SLC2A9: variants seen among roughly 807,000 people sequenced by gnomAD.
SLC2A9 encodes the protein solute carrier family 2, facilitated glucose transporter member 9.
Under a neutral mutation model 50.6 loss-of-function variants are expected in SLC2A9, and 39 were observed. The observed-to-expected ratio is 0.77, with a 90% CI of 0.60 to 1.01. The LOEUF (loss-of-function observed/expected upper bound fraction) is 1.01. Ranked by LOEUF, SLC2A9 falls within the 50% of genes least tolerant of loss-of-function variation. SLC2A9 has a pLI of 0.00. For synonymous variants in SLC2A9, 324 were observed against 276.9 expected (o/e 1.17, Z -1.69); for missense variants, 686 against 677.6 (o/e 1.01, Z -0.14).
chr4:9,930,238 T>C (rs533921717), intron 6 of SLC2A9, among the ~76,000 whole-genome samples: 33 of 152,294 alleles, frequency 2.2e-4, no homozygotes, highest in African/African-American at 7.9e-4. Flanking sequence ...CAACCTTCCC[T>C]TCACCATCAC....
chr4:9,959,161 T>A (rs556640913), intron 5 of SLC2A9, among the ~76,000 whole-genome samples: 1 of 150,552 alleles, frequency 6.6e-6, no homozygotes, highest in East Asian at 2.0e-4. Context: ...GCCTGGCCAA[T>A]GTGGTTCGAG....
chr4:9,826,330 A>ACTAC lies in SLC2A9; in HGVS notation c.*66_*67insGTAG. 3 of 1,533,384 alleles carry ACTAC rather than the reference A, an allele frequency of 2.0e-6. No individual in the cohort carries two copies. In the South Asian group the frequency reaches 3.4e-5, roughly 17 times the overall value. The allele number at this position is 1,533,384 out of a possible 1,614,324, so 95.0% of individuals were successfully genotyped here. A position where few individuals can be genotyped will look rare whatever the true frequency, so the allele number is the denominator to read the frequency against. On this transcript the variant is annotated 3_prime_UTR_variant, in exon 12 of 12. Coordinates refer to ENST00000264784, the MANE Select transcript of SLC2A9 (RefSeq NM_020041.3). ...ATGGGTAAATTTTAAGTTTCCTGAAAAGTGAGATCATCCATGTAGACAATC... is the reference window on the plus strand; with the variant it reads ...ATGGGTAAATTTTAAGTTTCCTGAAACTACAGTGAGATCATCCATGTAGACAATC...
At chr4:9,873,191 C>T (rs1273994978) in intron 10 of SLC2A9, among the ~76,000 whole-genome samples, 1 of 152,184 alleles carries the variant, frequency 6.6e-6, no homozygotes. Flanking sequence ...AGGGCAGAGA[C>T]TCTATGTGTG....
intron 10 of SLC2A9, among the ~76,000 whole-genome samples, chr4:9,835,385 A>G (rs1401384363): frequency 6.6e-6 from 1 of 152,054 alleles, no homozygotes; most frequent in Non-Finnish European, 1.5e-5. Context: ...ACCAGGACCT[A>G]GGGCTCAGCA....
At chr4:9,997,759 C>A (rs1330412837) in intron 2 of SLC2A9, among the ~76,000 whole-genome samples, 9 of 147,332 alleles carry the variant, frequency 6.1e-5, no homozygotes, top group Admixed American at 6.0e-4. Context: ...ATGCAACACA[C>A]ACAAAAAAAC....
At chr4:10,008,250 AG>A (rs1419778501) in intron 2 of SLC2A9, among the ~76,000 whole-genome samples, 3 of 152,230 alleles carry the variant, frequency 2.0e-5, no homozygotes, top group East Asian at 3.8e-4. Context: ...TCAAAGAGGC[AG>A]GCTGTCCAGC....
rs189130002 is a variant in SLC2A9, at chr4:9,926,125, C to T, written c.815-5553G>A. On this transcript the variant is annotated intron_variant, in intron 6 of 11. Transcript: ENST00000264784. ...TGTCTGTACACCTGCTGAGCCCACA[C>T]CTGGGAGTGCCCCCTGAGCAAGAGC... is the stretch of plus-strand genomic sequence containing the variant. Among the ~76,000 whole-genome samples the T allele has an allele frequency of 6.4e-3, 976 of 152,158 alleles. 5 individuals are homozygous for T. Among genetic ancestry groups the T allele is most frequent in the Non-Finnish European group, 7.6e-3 (519 of 67,998 alleles).
At chr4:9,800,895 C>T (rs183053800) in intron 3 of SLC2A9, among the ~76,000 whole-genome samples, 3 of 152,092 alleles carry the variant, frequency 2.0e-5, no homozygotes, top group African/African-American at 7.2e-5. Context: ...CCATGGATAC[C>T]GAGGGACAAC....
At chr4:9,784,685 G>A (rs1370851678) in intron 3 of SLC2A9, among the ~76,000 whole-genome samples, 1 of 152,218 alleles carries the variant, frequency 6.6e-6, no homozygotes, top group Admixed American at 6.5e-5. Context: ...TCTGCAGTGT[G>A]CACAGCCAAG....
chr4:9,854,758 T>A (rs918283995), intron 10 of SLC2A9, among the ~76,000 whole-genome samples: 2 of 152,232 alleles, frequency 1.3e-5, no homozygotes, highest in Middle Eastern at 3.2e-3. Flanking sequence ...CAATAGCTTA[T>A]CCACTATGAG....
At chr4:10,020,611 A>G (rs931747826) in intron 1 of SLC2A9, among the ~76,000 whole-genome samples, 4 of 152,194 alleles carry the variant, frequency 2.6e-5, no homozygotes, top group South Asian at 2.1e-4. Flanking sequence ...CCTGTTCTCT[A>G]TCACTCTTTC....
rs116469074 is a variant in SLC2A9, at chr4:9,809,831, G to T, written n.421-10590C>A. On this transcript the variant is annotated intron_variant and non_coding_transcript_variant, in intron 3 of 3. Transcript: ENST00000503280. The stretch of plus-strand genomic sequence containing the variant: ...CAACCTATACAACCCTAATCTAGCC[G>T]CCATCAACAAGTTTTCTTTTCTTTT... 2.7e-3 allele frequency among the ~76,000 whole-genome samples: 412 copies of T among 151,280 alleles called. 4 individuals are homozygous for T. Among genetic ancestry groups the T allele is most frequent in the African/African-American group, 9.6e-3 (394 of 41,210 alleles).
intron 10 of SLC2A9, among the ~76,000 whole-genome samples, chr4:9,850,892 A>G (rs35933336): frequency 0.055 from 8,384 of 152,110 alleles, 309 homozygotes; most frequent in South Asian, 0.16. Flanking sequence ...GCATGAATGC[A>G]CAAATGGACA....
chr4:9,838,595 C>T (rs1727479856), intron 10 of SLC2A9, among the ~76,000 whole-genome samples: 1 of 152,120 alleles, frequency 6.6e-6, no homozygotes, highest in Non-Finnish European at 1.5e-5. Context: ...TACTACCTGA[C>T]TTAAAACAAT....
At chr4:9,954,116 T>C (rs1361406425) in intron 5 of SLC2A9, among the ~76,000 whole-genome samples, 1 of 152,084 alleles carries the variant, frequency 6.6e-6, no homozygotes, top group Non-Finnish European at 1.5e-5. Context: ...GCCCTAATTT[T>C]TTGTAGAGAT....
chr4:9,811,968 G>A lies in SLC2A9; in HGVS notation n.421-12727C>T, dbSNP rs78073009. 2.6e-3 allele frequency among the ~76,000 whole-genome samples: 395 copies of A among 152,296 alleles called. 4 individuals carry two copies. The highest frequency in any genetic ancestry group is 9.0e-3 in the African/African-American group (374 of 41,564). The stretch of plus-strand genomic sequence containing the variant: ...GAGTCCCTGAATCCAGACAAGACAC[G>A]AGCCTGCTGTACATTAGCCTTACAA... On this transcript the variant is annotated intron_variant and non_coding_transcript_variant, in intron 3 of 3. Transcript: ENST00000503280.
At position 9,908,220 on chromosome 4, in the gene SLC2A9, C is replaced by A. The variant is rs756816874; in HGVS notation, c.1113+15G>T. On this transcript the variant is annotated intron_variant, in intron 8 of 11. Coordinates refer to ENST00000264784, the MANE Select transcript of SLC2A9 (RefSeq NM_020041.3). Reference sequence around the variant, plus strand: ...CCCCTGTGGCATTCTCAGGAGTAACCCTCAGTTGACTTACAGAGAAGACGG... The same window carrying A: ...CCCCTGTGGCATTCTCAGGAGTAACACTCAGTTGACTTACAGAGAAGACGG... The A allele has an allele frequency of 6.4e-7, 1 of 1,571,156 alleles. No individual in the cohort carries two copies. The highest frequency in any genetic ancestry group is 8.8e-7 in the Non-Finnish European group (1 of 1,140,750).
intron 6 of SLC2A9, among the ~76,000 whole-genome samples, chr4:9,927,325 A>G (rs530753568): frequency 1.2e-4 from 19 of 152,294 alleles, no homozygotes; most frequent in African/African-American, 4.6e-4. Context: ...CCCCATTTCT[A>G]TTGTTGTAAG....
Position 9,902,480 on chromosome 4 carries a change from G to C in SLC2A9, c.1113+5755C>G, listed in dbSNP as rs74338009. 4.8e-4 allele frequency among the ~76,000 whole-genome samples: 73 copies of C among 152,328 alleles called. No homozygotes were observed. The East Asian group carries it at 0.014, about 29-fold the overall frequency. On this transcript the variant is annotated intron_variant, in intron 8 of 11. Coordinates refer to ENST00000264784, the MANE Select transcript of SLC2A9 (RefSeq NM_020041.3). Reference sequence around the variant, plus strand: ...ATTAATAACAAGAGTAACTGCGTGAGTTTCCCAGGGCTGCCGTGATAAGGT... The same window carrying C: ...ATTAATAACAAGAGTAACTGCGTGACTTTCCCAGGGCTGCCGTGATAAGGT...
Sources: allele counts gnomAD v4.1 joint callset (sites outside exome capture counted in the v4.1 genomes callset), GRCh38; gene constraint gnomAD v4.1.1; transcripts MANE v1.5; gene names NCBI Gene and HGNC (gene_info 2026-07-23, HGNC 2026-07-21).